Variants in ZRANB3 observed in about 807,000 individuals in gnomAD.
The protein encoded by ZRANB3 is DNA annealing helicase and endonuclease ZRANB3.
Under a neutral mutation model 133.8 loss-of-function variants are expected in ZRANB3, and 125 were observed. The observed-to-expected ratio is 0.93, with a 90% confidence interval of 0.81 to 1.08. The LOEUF is 1.08. ZRANB3 is among the 50% of genes least tolerant of loss of function. The probability of loss-of-function intolerance (pLI) is 0.00; values close to 1 mark genes in which losing one functional copy is unlikely to be tolerated. For synonymous variants in ZRANB3, 387 were observed against 432.7 expected (o/e 0.89, Z 1.31); for missense variants, 1,229 against 1,275.5 (o/e 0.96, Z 0.56).
intron 2 of ZRANB3, among the ~76,000 whole-genome samples, chr2:135,403,972 C>G (rs1687872649): frequency 6.6e-6 from 1 of 152,058 alleles, no homozygotes; most frequent in Admixed American, 6.6e-5. Context: ...CATCAAAGAC[C>G]AAAGGTAGAT....
chr2:135,462,891 C>T (rs909777086), intron 2 of ZRANB3, among the ~76,000 whole-genome samples: 4 of 152,166 alleles, frequency 2.6e-5, no homozygotes, highest in African/African-American at 7.2e-5. Flanking sequence ...CCATGTCCAG[C>T]CCTAATTATT....
chr2:135,343,010 C>CAAAAAAAAAAAA (rs11435525), intron 6 of ZRANB3, among the ~76,000 whole-genome samples: 3 of 55,218 alleles, frequency 5.4e-5, no homozygotes, highest in African/African-American at 8.8e-5. Flanking sequence ...ACTAAAAATC[C>CAAAAAAAAAAAA]AAAAAAAAAA....
At chr2:135,412,084 T>C (rs1443133506) in intron 2 of ZRANB3, among the ~76,000 whole-genome samples, 1 of 152,158 alleles carries the variant, frequency 6.6e-6, no homozygotes, top group Non-Finnish European at 1.5e-5. Flanking sequence ...ACTAAATAAA[T>C]AATAATGTGT....
At chr2:135,274,501 A>T (rs990297785) in intron 9 of ZRANB3, among the ~76,000 whole-genome samples, 3 of 152,226 alleles carry the variant, frequency 2.0e-5, no homozygotes, top group Non-Finnish European at 4.4e-5. Flanking sequence ...CTAACGTTTA[A>T]CTGTCTACAC....
At chr2:135,342,511 T>C (rs1349371788) in intron 6 of ZRANB3, among the ~76,000 whole-genome samples, 1 of 149,906 alleles carries the variant, frequency 6.7e-6, no homozygotes, top group South Asian at 2.1e-4. Flanking sequence ...GGTCTTACTA[T>C]GTTGCCTAGG....
intron 15 of ZRANB3, 56 bp downstream of exon 15, chr2:135,224,370 G>T: frequency 7.2e-7 from 1 of 1,384,246 alleles, no homozygotes; most frequent in Non-Finnish European, 9.9e-7. Flanking sequence ...CCACTGAAAA[G>T]TGAAAAAAGG....
intron 2 of ZRANB3, among the ~76,000 whole-genome samples, chr2:135,394,250 AC>A (rs1687376328): frequency 6.6e-6 from 1 of 152,222 alleles, no homozygotes; most frequent in African/African-American, 2.4e-5. Flanking sequence ...TACCAAAATT[AC>A]ACCACTAAAG....
At chr2:135,505,545 G>A (rs1324294024) in intron 1 of ZRANB3, among the ~76,000 whole-genome samples, 2 of 151,748 alleles carry the variant, frequency 1.3e-5, no homozygotes, top group Admixed American at 6.6e-5. Flanking sequence ...CTGCGCTCCA[G>A]CCTGGGCGAC....
chr2:135,513,582 ATAACAGT>A (rs907257800), intron 1 of ZRANB3, among the ~76,000 whole-genome samples: 1 of 152,210 alleles, frequency 6.6e-6, no homozygotes, highest in Admixed American at 6.5e-5. Flanking sequence ...AGATTAAAAC[ATAACAGT>A]TAAAACTATA....
chr2:135,324,800 T>G (rs1481454450), intron 6 of ZRANB3, among the ~76,000 whole-genome samples: 1 of 152,136 alleles, frequency 6.6e-6, no homozygotes, highest in Non-Finnish European at 1.5e-5. Context: ...GGTATCTCAT[T>G]GTGGTTTTGA....
chr2:135,530,092 T>C (rs1049752441), intron 1 of ZRANB3, among the ~76,000 whole-genome samples: 1 of 150,132 alleles, frequency 6.7e-6, no homozygotes, highest in Non-Finnish European at 1.5e-5. Flanking sequence ...CTGGGCTGAG[T>C]GGCGCGCGCC....
At chr2:135,220,929 T>C (rs1694527201) in intron 15 of ZRANB3, among the ~76,000 whole-genome samples, 1 of 149,460 alleles carries the variant, frequency 6.7e-6, no homozygotes, top group Admixed American at 6.7e-5. Context: ...CGATCTTGGC[T>C]CACTGCAACC....
intron 2 of ZRANB3, among the ~76,000 whole-genome samples, chr2:135,453,791 G>A (rs1408009977): frequency 2.0e-5 from 3 of 152,158 alleles, no homozygotes; most frequent in Non-Finnish European, 4.4e-5. Context: ...ACATTTTCCT[G>A]TCTTCTTCAG....
chr2:135,527,493 A>C (rs1256002695), intron 1 of ZRANB3, among the ~76,000 whole-genome samples: 2 of 152,168 alleles, frequency 1.3e-5, no homozygotes, highest in Non-Finnish European at 2.9e-5. Context: ...CAGTTGGCAG[A>C]GGTTGCAGTG....
intron 8 of ZRANB3, among the ~76,000 whole-genome samples, chr2:135,295,336 CTTCT>C (rs757071085): frequency 5.9e-5 from 9 of 152,136 alleles, no homozygotes; most frequent in African/African-American, 1.7e-4. Context: ...ACATAATGGC[CTTCT>C]TTGTCTCTTT....
At chr2:135,283,917 G>A (rs1681219865) in intron 8 of ZRANB3, among the ~76,000 whole-genome samples, 1 of 152,022 alleles carries the variant, frequency 6.6e-6, no homozygotes, top group Non-Finnish European at 1.5e-5. Flanking sequence ...GGAAGTTAGA[G>A]GATGCAGTGA....
intron 6 of ZRANB3, among the ~76,000 whole-genome samples, chr2:135,318,247 T>C (rs1312785003): frequency 6.6e-6 from 1 of 151,100 alleles, no homozygotes; most frequent in African/African-American, 2.4e-5. Context: ...TGTGTGTGTG[T>C]GTGTGTGTGT....
At position 135,422,489 on chromosome 2, in the gene ZRANB3, C is replaced by T. The variant is rs578180536; in HGVS notation, c.162-31669G>A. On this transcript the variant is annotated intron_variant, in intron 2 of 20. Transcript: ENST00000264159. ...TTCTGGTATCTTTCTTTAAAAAAGG[C>T]GGGGGGCAGGGGGGCGGCGGGGGCA... is the stretch of plus-strand genomic sequence containing the variant. Among the ~76,000 whole-genome samples the T allele has an allele frequency of 1.5e-3, 155 of 104,380 alleles. 1 individual carries two copies. The highest frequency in any genetic ancestry group is 4.9e-3 in the African/African-American group (130 of 26,298). The allele number at this position is 104,380 out of a possible 152,430, so 68.5% of individuals were successfully genotyped here. A position where few individuals can be genotyped will look rare whatever the true frequency, so the allele number is the denominator to read the frequency against.
At chr2:135,312,889 A>C (rs959232073) in intron 8 of ZRANB3, among the ~76,000 whole-genome samples, 1 of 151,756 alleles carries the variant, frequency 6.6e-6, no homozygotes, top group Non-Finnish European at 1.5e-5. Context: ...GCATGGAGGC[A>C]CGTGCCTGGA....
Sources: allele counts gnomAD v4.1 joint callset (sites outside exome capture counted in the v4.1 genomes callset), GRCh38; gene constraint gnomAD v4.1.1; transcripts MANE v1.5; gene names NCBI Gene and HGNC (gene_info 2026-07-23, HGNC 2026-07-21).